Variants in CGRRF1 observed in about 807,000 individuals in gnomAD.
CGRRF1 encodes the protein cell growth regulator with RING finger domain protein 1.
A neutral mutation model predicts 37.2 loss-of-function variants in CGRRF1; 32 were observed. That is an observed-to-expected ratio of 0.86 (90% confidence interval 0.65 to 1.16). The LOEUF (loss-of-function observed/expected upper bound fraction) is 1.16. Ranked by LOEUF, CGRRF1 falls within the 50% of genes most tolerant of loss-of-function variation. CGRRF1 has a pLI of 0.00. For synonymous variants in CGRRF1, 141 were observed against 140.3 expected (o/e 1.00, Z -0.04); for missense variants, 391 against 382.6 (o/e 1.02, Z -0.18).
Position 54,521,717 on chromosome 14 carries a change from G to A in CGRRF1, c.105-737G>A, listed in dbSNP as rs141687242. 4.2e-4 allele frequency among the ~76,000 whole-genome samples: 64 copies of A among 152,008 alleles called. No individual in the cohort carries two copies. The East Asian group carries it at 0.012, about 29-fold the overall frequency. ...ACAGGGTTTCACTATGTTTTGGCCAGGCTGGTCTCGAACTCCTGACCTCAA... is the reference window on the plus strand; with the variant it reads ...ACAGGGTTTCACTATGTTTTGGCCAAGCTGGTCTCGAACTCCTGACCTCAA... On this transcript the variant is annotated intron_variant, in intron 1 of 5. Transcript: ENST00000216420.
intron 4 of CGRRF1, among the ~76,000 whole-genome samples, chr14:54,534,125 G>GT (rs1251568374): frequency 2.4e-3 from 351 of 148,314 alleles, no homozygotes; most frequent in African/African-American, 7.6e-3. Flanking sequence ...GACAAAATTG[G>GT]TTTTTTTTTT....
intron 2 of CGRRF1, among the ~76,000 whole-genome samples, chr14:54,529,497 A>G (rs950246745): frequency 1.3e-5 from 2 of 152,342 alleles, no homozygotes; most frequent in Non-Finnish European, 2.9e-5. Context: ...GATATTTTGC[A>G]TATTACATGG....
intron 1 of CGRRF1, among the ~76,000 whole-genome samples, chr14:54,521,766 C>T (rs1223529697): frequency 6.6e-6 from 1 of 152,100 alleles, no homozygotes; most frequent in Non-Finnish European, 1.5e-5. Context: ...CTTGGCCTCC[C>T]AAAGTGCTGG....
intron 2 of CGRRF1, among the ~76,000 whole-genome samples, chr14:54,522,977 A>AT (rs1443032334): frequency 2.6e-5 from 4 of 151,724 alleles, no homozygotes; most frequent in Non-Finnish European, 4.4e-5. Context: ...TTGCCTTTTT[A>AT]TTTTTTTTGA....
chr14:54,514,099 C>T (rs1261830490), intron 1 of CGRRF1, among the ~76,000 whole-genome samples: 3 of 152,150 alleles, frequency 2.0e-5, no homozygotes, highest in African/African-American at 4.8e-5. Context: ...AGTTTCTTTG[C>T]AAAGGGCTAT....
chr14:54,514,065 TC>T (rs1228757190), intron 1 of CGRRF1, among the ~76,000 whole-genome samples: 7 of 152,128 alleles, frequency 4.6e-5, no homozygotes, highest in Non-Finnish European at 5.9e-5. Flanking sequence ...TGCTTGAAGA[TC>T]CTGTAATAAC....
At chr14:54,510,199 C>T (rs748592244) in intron 1 of CGRRF1, 136 bp downstream of exon 1, 33 of 640,124 alleles carry the variant, frequency 5.2e-5, no homozygotes, top group Non-Finnish European at 8.9e-5. Flanking sequence ...GTGCCTAGAA[C>T]TCCGACTTTC....
chr14:54,533,609 C>T (rs1311502288), intron 4 of CGRRF1, among the ~76,000 whole-genome samples: 6 of 151,544 alleles, frequency 4.0e-5, no homozygotes, highest in East Asian at 3.9e-4. Flanking sequence ...ATTGTATGTG[C>T]GTGTCAGGGA....
At chr14:54,522,319 C>A in intron 1 of CGRRF1, 135 bp from the exon 2 acceptor site, 1 of 597,028 alleles carries the variant, frequency 1.7e-6, no homozygotes, top group Non-Finnish European at 2.7e-6. Context: ...TCTAAAATAA[C>A]GTAAATTGAG....
At chr14:54,527,578 T>G (rs189712733) in intron 2 of CGRRF1, among the ~76,000 whole-genome samples, 1 of 152,274 alleles carries the variant, frequency 6.6e-6, no homozygotes, top group Non-Finnish European at 1.5e-5. Flanking sequence ...GTCAAAGGTC[T>G]CTGACACTCT....
chr14:54,527,707 T>G (rs1015089611), intron 2 of CGRRF1, among the ~76,000 whole-genome samples: 20 of 152,078 alleles, frequency 1.3e-4, no homozygotes, highest in African/African-American at 4.8e-4. Flanking sequence ...GTTTTATATG[T>G]TCTGTAAGCT....
At position 54,509,926 on chromosome 14, in the gene CGRRF1, GC is replaced by G. The variant is rs779736832; in HGVS notation, c.-33del. On this transcript the variant is annotated 5_prime_UTR_variant, in exon 1 of 6. Coordinates refer to ENST00000216420, the MANE Select transcript of CGRRF1 (RefSeq NM_006568.3). ...CAGCCGGGCTGGGCTGGGCTCCGCG[GC>G]TGGAGCCGGGCTCTACCCAGAGCAA... The G allele has an allele frequency of 1.3e-6, 2 of 1,527,752 alleles. No homozygotes were observed. The highest frequency in any genetic ancestry group is 2.7e-5 in the African/African-American group (2 of 73,212). The allele number at this position is 1,527,752 out of a possible 1,614,324, so 94.6% of individuals were successfully genotyped here.
chr14:54,523,575 G>A (rs2032358624), intron 2 of CGRRF1, among the ~76,000 whole-genome samples: 1 of 149,940 alleles, frequency 6.7e-6, no homozygotes, highest in African/African-American at 2.4e-5. Context: ...TTGGAAGATA[G>A]GTGTTTACTT....
At chr14:54,515,652 A>G (rs921530487) in intron 1 of CGRRF1, among the ~76,000 whole-genome samples, 17 of 152,330 alleles carry the variant, frequency 1.1e-4, no homozygotes, top group Middle Eastern at 3.4e-3. Flanking sequence ...TGACCCTTAT[A>G]TCACTATGAA....
rs150452992 is a variant in CGRRF1 at position 54,534,365 on chromosome 14, G to A, written c.570+3315G>A. ...GTCTTGAACTCCTGACCTCGTGATC[G>A]ACCCGCCTCGGCCTCCCAAAGTGCT... On this transcript the variant is annotated intron_variant, in intron 4 of 5. Transcript: ENST00000216420. Among the ~76,000 whole-genome samples the A allele has an allele frequency of 3.5e-3, 534 of 152,064 alleles. 10 individuals carry two copies. The East Asian group carries it at 0.038, about 11-fold the overall frequency.
At chr14:54,524,586 T>A (rs2140060424) in intron 2 of CGRRF1, among the ~76,000 whole-genome samples, 1 of 151,616 alleles carries the variant, frequency 6.6e-6, no homozygotes, top group South Asian at 2.1e-4. Flanking sequence ...GGAGATGGGG[T>A]CTTGCTGTGT....
In CGRRF1 at chr14:54,538,990, A is replaced by G. The variant is rs1594660149; in HGVS notation, c.*607A>G. ...AATTCTTGACTGTTCTCCGTGTATT[A>G]TAAAATGATACTCATCTATAGGAGG... On this transcript the variant is annotated 3_prime_UTR_variant, in exon 6 of 6. Coordinates refer to ENST00000216420, the MANE Select transcript of CGRRF1 (RefSeq NM_006568.3). 1.3e-5 allele frequency: 2 copies of G among 152,380 alleles called. No individual in the cohort carries two copies. The highest frequency in any genetic ancestry group is 1.3e-4 in the Admixed American group (2 of 15,304). 9.4% of individuals were successfully genotyped at this position (152,380 alleles called of 1,614,324 possible).
At chr14:54,513,362 A>G (rs2032160211) in intron 1 of CGRRF1, among the ~76,000 whole-genome samples, 1 of 152,242 alleles carries the variant, frequency 6.6e-6, no homozygotes, top group Admixed American at 6.5e-5. Flanking sequence ...AATGGCAGTA[A>G]TGATGACTAC....
chr14:54,517,209 T>G (rs2032231702), intron 1 of CGRRF1, among the ~76,000 whole-genome samples: 1 of 152,220 alleles, frequency 6.6e-6, no homozygotes, highest in African/African-American at 2.4e-5. Context: ...TGTTAATGTT[T>G]TTTTATCAGA....
Sources: gnomAD v4.1 joint callset for allele counts (sites outside exome capture counted in the v4.1 genomes callset) on GRCh38, gnomAD v4.1.1 for gene constraint, MANE v1.5 for transcripts, NCBI Gene and HGNC (gene_info 2026-07-23, HGNC 2026-07-21) for gene names.